The following KIAA1671 variants were observed in gnomAD, a reference collection of about 807,000 sequenced individuals.
KIAA1671 encodes uncharacterized protein KIAA1671.
KIAA1671 carries 52 observed loss-of-function variants against 131.2 expected under a neutral mutation model. That is an observed-to-expected ratio of 0.40 (90% CI 0.32 to 0.50). The LOEUF (loss-of-function observed/expected upper bound fraction) is 0.50, where lower values mean the gene tolerates loss of function less well. Among genes scored for constraint, KIAA1671 ranks in the 20% least tolerant of loss-of-function variants. The pLI is 0.73. For synonymous variants in KIAA1671, 1,003 were observed against 961.6 expected (o/e 1.04, Z -0.80); for missense variants, 2,360 against 2,364.2 (o/e 1.00, Z 0.04).
At chr22:25,145,515 C>T (rs1423209411) in intron 6 of KIAA1671, among the ~76,000 whole-genome samples, 1 of 152,218 alleles carries the variant, frequency 6.6e-6, no homozygotes, top group Non-Finnish European at 1.5e-5. Flanking sequence ...ACCTGTGCTT[C>T]CTCCAGGTTT....
Position 25,040,228 on chromosome 22 carries a change from A to G in KIAA1671, c.3098A>G (p.Gln1033Arg), listed in dbSNP as rs1926835578. ...PKATFFAVTY[Q>R]IPNTQKAKGV... ...GCGACATTTTTTGCAGTCACCTATC[A>G]GATTCCCAATACTCAAAAGGCAAAG... Residue 1033 changes from glutamine (Q) to arginine (R), a missense_variant, in exon 5 of 13, where the codon CAG becomes CGG. Gln to Arg is a conservative substitution (Grantham distance 43). This residue lies in a region of KIAA1671 where 1,161 missense variants were observed against 1,204.7 expected (regional missense o/e 0.96). Transcript: ENST00000358431. 2.6e-6 allele frequency: 4 copies of G among 1,551,642 alleles called. No individual in the cohort carries two copies. The highest frequency in any genetic ancestry group is 3.5e-6 in the Non-Finnish European group (4 of 1,147,022).
chr22:25,067,860 G>A (rs562752665), intron 6 of KIAA1671, among the ~76,000 whole-genome samples: 5 of 152,364 alleles, frequency 3.3e-5, no homozygotes, highest in African/African-American at 7.2e-5. Flanking sequence ...GGGCAGCCGC[G>A]AGCGCTGCAT....
intron 6 of KIAA1671, among the ~76,000 whole-genome samples, chr22:25,145,242 G>T (rs1303233578): frequency 6.6e-6 from 1 of 152,170 alleles, no homozygotes; most frequent in Non-Finnish European, 1.5e-5. Flanking sequence ...AAATACCACC[G>T]GCTCTTTTCC....
chr22:24,964,361 A>C (rs942804488), intron 1 of KIAA1671, among the ~76,000 whole-genome samples: 1 of 152,054 alleles, frequency 6.6e-6, no homozygotes, highest in African/African-American at 2.4e-5. Context: ...CCCACAAAAA[A>C]CAAAAATAAC....
chr22:25,182,216 G>A (rs7288358), intron 10 of KIAA1671, among the ~76,000 whole-genome samples: 5,227 of 148,028 alleles, frequency 0.035, 143 homozygotes, highest in Middle Eastern at 0.079. Flanking sequence ...CCTTCCTTCC[G>A]TCCTTCCTTC....
Position 25,040,584 on chromosome 22 carries a change from A to C in KIAA1671, c.3454A>C (p.Lys1152Gln). ...PQSNWKESAN[K>Q]MSPSGGAPQT... The stretch of plus-strand genomic sequence containing the variant: ...AAGCAATTGGAAGGAAAGTGCGAAC[A>C]AGATGTCCCCCAGCGGCGGAGCTCC... Residue 1152 changes from lysine to glutamine, a missense_variant, in exon 5 of 13, where the codon AAG (lysine) becomes CAG (glutamine). Physicochemically the swap from Lys to Gln is moderately conservative, Grantham distance 53. Around this residue, in one of 3 missense-constraint regions of KIAA1671, gnomAD observed 1,161 missense variants for 1,204.7 expected, o/e 0.96. Coordinates refer to ENST00000358431, the MANE Select transcript of KIAA1671 (RefSeq NM_001145206.2). 6.4e-7 allele frequency: 1 copy of C among 1,551,800 alleles called. No individual in the cohort carries two copies.
intron 1 of KIAA1671, among the ~76,000 whole-genome samples, chr22:24,956,247 T>C (rs73879170): frequency 0.013 from 1,948 of 152,262 alleles, 48 homozygotes; most frequent in African/African-American, 0.044. Context: ...GGGAGTGGTA[T>C]CAGTACTGAA....
intron 6 of KIAA1671, among the ~76,000 whole-genome samples, chr22:25,120,253 G>A (rs570731799): frequency 6.6e-6 from 1 of 152,358 alleles, no homozygotes; most frequent in Admixed American, 6.5e-5. Flanking sequence ...TTGGATTCAA[G>A]GGGTTAGACT....
intron 6 of KIAA1671, among the ~76,000 whole-genome samples, chr22:25,129,763 G>C (rs921995496): frequency 2.0e-5 from 3 of 151,782 alleles, no homozygotes; most frequent in Non-Finnish European, 4.4e-5. Flanking sequence ...CTGGGTTCAA[G>C]GACTCTTCCT....
intron 1 of KIAA1671, among the ~76,000 whole-genome samples, chr22:25,008,866 C>T (rs1429681907): frequency 1.3e-5 from 2 of 152,246 alleles, no homozygotes; most frequent in Non-Finnish European, 2.9e-5. Context: ...TTCAGCTACA[C>T]AGAGGCCCAG....
chr22:25,103,920 G>C (rs1213517881), intron 6 of KIAA1671, among the ~76,000 whole-genome samples: 1 of 152,176 alleles, frequency 6.6e-6, no homozygotes, highest in Admixed American at 6.5e-5. Context: ...AACGTTTCCT[G>C]GGTACACAGT....
chr22:25,093,017 G>T (rs1011260054), intron 6 of KIAA1671, among the ~76,000 whole-genome samples: 1 of 152,200 alleles, frequency 6.6e-6, no homozygotes, highest in African/African-American at 2.4e-5. Context: ...TTAGTGGAAA[G>T]AGAATTTACT....
At chr22:25,150,034 A>G (rs563370943) in intron 6 of KIAA1671, among the ~76,000 whole-genome samples, 2 of 151,880 alleles carry the variant, frequency 1.3e-5, no homozygotes, top group African/African-American at 4.8e-5. Flanking sequence ...CATCTCCCCA[A>G]CTTGATTTTA....
At chr22:25,135,496 T>A (rs190161115) in intron 6 of KIAA1671, among the ~76,000 whole-genome samples, 30 of 152,290 alleles carry the variant, frequency 2.0e-4, no homozygotes, top group African/African-American at 7.0e-4. Context: ...GATTTTGGGA[T>A]TTTTGTGTGT....
chr22:25,038,856 G>T lies in KIAA1671; in HGVS notation c.1726G>T (p.Val576Phe), dbSNP rs1482748753. The T allele has an allele frequency of 6.4e-7, 1 of 1,551,764 alleles. No homozygotes were observed. ...RDKSRQTEQK[V>F]SSNQDPDSCR... ...TAAGTCCAGGCAGACGGAGCAGAAG[G>T]TTAGCTCTAACCAAGACCCCGACAG... The change falls in exon 5 of 13, where the codon GTT (valine) becomes TTT (phenylalanine). Residue 576 changes from valine to phenylalanine, a missense_variant. By Grantham distance (50) the Val-to-Phe change is conservative. This residue lies in a region of KIAA1671 where 1,185 missense variants were observed against 1,126.2 expected (regional missense o/e 1.05). Transcript: ENST00000358431.
intron 6 of KIAA1671, chr22:25,070,379 A>T: frequency 2.0e-6 from 1 of 511,020 alleles, no homozygotes; most frequent in Non-Finnish European, 3.6e-6. Flanking sequence ...GAGTATTACT[A>T]CTGCCCCAGC....
rs1449490700 is a variant in KIAA1671 at position 25,029,468 on chromosome 22, G to A, written c.1469G>A (p.Ser490Asn). ...CGGATCAGAGGCTGGACTGCCGAGA[G>A]CTCAGAGGCTAAGCCCGAGGTCAGG... ...QERIRGWTAE[S>N]SEAKPEVRRR... is the part of the protein sequence containing the mutation. The change falls in exon 3 of 13, where the codon AGC becomes AAC. Residue 490 changes from serine to asparagine, a missense_variant. Ser to Asn is a conservative substitution (Grantham distance 46). Around this residue, in one of 3 missense-constraint regions of KIAA1671, gnomAD observed 1,185 missense variants for 1,126.2 expected, o/e 1.05. Coordinates refer to ENST00000358431, the MANE Select transcript of KIAA1671 (RefSeq NM_001145206.2). 3.9e-6 allele frequency: 6 copies of A among 1,551,184 alleles called. No individual in the cohort carries two copies. The highest frequency in any genetic ancestry group is 5.2e-6 in the Non-Finnish European group (6 of 1,146,830).
In KIAA1671 at chr22:25,028,580, C is replaced by T. The variant is rs1926094870; in HGVS notation, c.581C>T (p.Pro194Leu). 4 of 1,550,726 alleles carry T rather than the reference C, an allele frequency of 2.6e-6. No homozygotes were observed. The highest frequency in any genetic ancestry group is 3.5e-6 in the Non-Finnish European group (4 of 1,146,810). The change falls in exon 3 of 13, where the codon CCC (proline) becomes CTC (leucine). Residue 194 changes from proline (P) to leucine (L), a missense_variant. By Grantham distance (98) the Pro-to-Leu change is moderately conservative (BLOSUM62 -3). Coordinates refer to ENST00000358431, the MANE Select transcript of KIAA1671 (RefSeq NM_001145206.2). ...ACCCAGAAGCCTGCGGGGACCCTTC[C>T]CCGGTCAGCTCCCCTGTCTCAGGAC... ...LPTQKPAGTL[P>L]RSAPLSQDTK...
intron 6 of KIAA1671, chr22:25,061,513 G>A (rs1293551055): frequency 6.6e-6 from 1 of 152,102 alleles, no homozygotes; most frequent in Non-Finnish European, 1.5e-5. Flanking sequence ...GGCCTTCATT[G>A]ATTGAGCAGT....
Sources: gnomAD v4.1 joint callset for allele counts (sites outside exome capture counted in the v4.1 genomes callset) on GRCh38, gnomAD v4.1.1 for gene constraint, gnomAD v4.1.1 regional missense constraint, MANE v1.5 for transcripts, NCBI Gene and HGNC (gene_info 2026-07-23, HGNC 2026-07-21) for gene names.